TNR: variants seen among roughly 807,000 people sequenced by gnomAD.
The protein encoded by TNR is tenascin-R.
A neutral mutation model predicts 150.4 loss-of-function variants in TNR; 45 were observed. That is an observed-to-expected ratio of 0.30 (90% CI 0.24 to 0.38). TNR has a LOEUF of 0.38. Ranked by LOEUF, TNR falls within the 10% of genes least tolerant of loss-of-function variation. TNR has a pLI of 1.00. For missense variants in TNR, 1,544 were observed against 1,759.1 expected, an observed-to-expected ratio of 0.88 and a Z score of 2.19; for synonymous variants, 687 against 678.4, an observed-to-expected ratio of 1.01 and a Z score of -0.20.
chr1:175,573,356 T>G (rs1368162872), intron 1 of TNR, among the ~76,000 whole-genome samples: 2 of 152,200 alleles, frequency 1.3e-5, no homozygotes, highest in East Asian at 3.9e-4. Context: ...AGGTGAGGTA[T>G]GGAGCTAGCA....
intron 5 of TNR, among the ~76,000 whole-genome samples, 180 bp downstream of exon 5, chr1:175,396,364 A>G (rs962135889): frequency 1.3e-5 from 2 of 152,180 alleles, no homozygotes; most frequent in African/African-American, 4.8e-5. Context: ...CTCTTAATCG[A>G]AAGTGCCTTT....
At chr1:175,489,188 C>T (rs946893752) in intron 2 of TNR, among the ~76,000 whole-genome samples, 3 of 152,134 alleles carry the variant, frequency 2.0e-5, no homozygotes, top group African/African-American at 4.8e-5. Context: ...CCAAGATCAC[C>T]CGGGGCCCAG....
intron 18 of TNR, among the ~76,000 whole-genome samples, chr1:175,341,710 A>G (rs1260665916): frequency 6.6e-6 from 1 of 152,228 alleles, no homozygotes; most frequent in African/African-American, 2.4e-5. Context: ...TGGCCTCAGC[A>G]TCAGGACTGA....
At chr1:175,697,917 A>G (rs974288306) in intron 1 of TNR, among the ~76,000 whole-genome samples, 3 of 152,196 alleles carry the variant, frequency 2.0e-5, no homozygotes, top group Non-Finnish European at 4.4e-5. Context: ...CTTCATGTTC[A>G]TGGAAGGAGT....
intron 2 of TNR, among the ~76,000 whole-genome samples, chr1:175,506,651 T>C (rs1658969535): frequency 6.6e-6 from 1 of 152,240 alleles, no homozygotes; most frequent in Admixed American, 6.5e-5. Flanking sequence ...AAACGCATCC[T>C]GCCAACACTT....
At chr1:175,509,904 G>A (rs891980592) in intron 2 of TNR, among the ~76,000 whole-genome samples, 1 of 152,160 alleles carries the variant, frequency 6.6e-6, no homozygotes, top group Admixed American at 6.5e-5. Flanking sequence ...GTGTGTGTAT[G>A]TGTATGTGTT....
intron 1 of TNR, among the ~76,000 whole-genome samples, chr1:175,701,737 G>A (rs942821444): frequency 2.0e-5 from 3 of 152,358 alleles, no homozygotes; most frequent in Non-Finnish European, 2.9e-5. Flanking sequence ...TGAGAGCAGG[G>A]TTTTCAGCCA....
intron 1 of TNR, among the ~76,000 whole-genome samples, chr1:175,710,271 G>C (rs1489849686): frequency 6.6e-6 from 1 of 152,084 alleles, no homozygotes; most frequent in African/African-American, 2.4e-5. Flanking sequence ...GTAGACATGG[G>C]AAGGGAGGGA....
intron 17 of TNR, among the ~76,000 whole-genome samples, chr1:175,354,993 AAC>A (rs879876919): frequency 5.9e-5 from 9 of 152,244 alleles, no homozygotes; most frequent in Admixed American, 3.3e-4. Flanking sequence ...GATGAAATAA[AAC>A]AAAAATTTGT....
At chr1:175,595,828 G>C (rs12093333) in intron 1 of TNR, among the ~76,000 whole-genome samples, 25,373 of 152,130 alleles carry the variant, frequency 0.17, 3,267 homozygotes, top group African/African-American at 0.36. Flanking sequence ...GATTGCTAGT[G>C]TGCTAGCATT....
Position 175,323,140 on chromosome 1 carries a change from G to A in TNR, c.*217C>T. 1 of 502,186 alleles carries A rather than the reference G, an allele frequency of 2.0e-6. No homozygotes were observed. The highest frequency in any genetic ancestry group is 3.4e-6 in the Non-Finnish European group (1 of 294,930). 31.1% of individuals were successfully genotyped at this position (502,186 alleles called of 1,614,324 possible). A position where few individuals can be genotyped will look rare whatever the true frequency, so the allele number is the denominator to read the frequency against. On this transcript the variant is annotated 3_prime_UTR_variant, in exon 23 of 23. Transcript: ENST00000367674. Reference sequence around the variant, plus strand: ...GGGAAAGGAGGTGAAGGTTGAGGAGGCCTGGGTAGGAGGGAGAATGGAGAC... The same window carrying A: ...GGGAAAGGAGGTGAAGGTTGAGGAGACCTGGGTAGGAGGGAGAATGGAGAC...
At chr1:175,736,028 C>G (rs932200121) in intron 1 of TNR, among the ~76,000 whole-genome samples, 1 of 152,198 alleles carries the variant, frequency 6.6e-6, no homozygotes, top group East Asian at 1.9e-4. Flanking sequence ...CCCATTAGCA[C>G]TTGAGGAGCA....
chr1:175,413,549 G>T (rs551025220), intron 2 of TNR, among the ~76,000 whole-genome samples: 2 of 152,324 alleles, frequency 1.3e-5, no homozygotes, highest in South Asian at 4.1e-4. Context: ...AACTTAGAAG[G>T]CTCGAGGGGA....
intron 6 of TNR, 23 bp downstream of exon 6, chr1:175,393,757 G>T (rs377537015): frequency 1.9e-6 from 3 of 1,546,974 alleles, no homozygotes; most frequent in Non-Finnish European, 2.7e-6. Flanking sequence ...AGTCTGTTTG[G>T]CAGTGTAACA....
intron 1 of TNR, among the ~76,000 whole-genome samples, chr1:175,601,137 T>G (rs562342866): frequency 6.2e-4 from 95 of 152,372 alleles, no homozygotes; most frequent in Non-Finnish European, 1.1e-3. Context: ...TGCCTTTATC[T>G]TCTGTTTGTG....
Position 175,527,457 on chromosome 1 carries a change from T to C in TNR, c.-64+812A>G, listed in dbSNP as rs80337782. ...ACTGTAGTGAGTCTAAGGAAGAAAA[T>C]GAGCTCCCGAACAAACTTTTCACAA... On this transcript the variant is annotated intron_variant, in intron 2 of 22. Coordinates refer to ENST00000367674, the MANE Select transcript of TNR (RefSeq NM_003285.3). Among the ~76,000 whole-genome samples the C allele has an allele frequency of 2.2e-3, 328 of 152,220 alleles. 1 individual carries two copies. Among genetic ancestry groups the C allele is most frequent in the African/African-American group, 7.5e-3 (313 of 41,558 alleles).
rs772786500 is a variant in TNR, at chr1:175,379,584, C to G, written c.1931G>C (p.Gly644Ala). The change falls in exon 9 of 23, where the codon GGC (glycine) becomes GCC (alanine). Residue 644 changes from glycine to alanine, a missense_variant. By Grantham distance (60) the Gly-to-Ala change is moderately conservative. Around this residue, in one of 2 missense-constraint regions of TNR, gnomAD observed 1,254 missense variants for 1,329.4 expected, o/e 0.94. Coordinates refer to ENST00000367674, the MANE Select transcript of TNR (RefSeq NM_003285.3). ...GGTGGCCCTGGTGGTTGGACCAATG[C>G]CCCTGGGGACCAGTACCTCATGATA... ...EQYHEVLVPR[G>A]IGPTTRATLT... The G allele has an allele frequency of 6.2e-7, 1 of 1,613,730 alleles. No individual in the cohort carries two copies. Among genetic ancestry groups the G allele is most frequent in the Non-Finnish European group, 8.5e-7 (1 of 1,179,914 alleles).
At chr1:175,460,502 A>ACTC in intron 2 of TNR, among the ~76,000 whole-genome samples, 1 of 152,232 alleles carries the variant, frequency 6.6e-6, no homozygotes, top group Admixed American at 6.5e-5. Flanking sequence ...CTCATGCTGA[A>ACTC]ATATTAGTAA....
intron 2 of TNR, among the ~76,000 whole-genome samples, chr1:175,422,641 C>T (rs1486213368): frequency 6.6e-6 from 1 of 152,194 alleles, no homozygotes; most frequent in Non-Finnish European, 1.5e-5. Flanking sequence ...TCACTGATAG[C>T]TCCAGGATTG....
Sources: gnomAD v4.1 joint callset for allele counts (sites outside exome capture counted in the v4.1 genomes callset) on GRCh38, gnomAD v4.1.1 for gene constraint, gnomAD v4.1.1 regional missense constraint, MANE v1.5 for transcripts, NCBI Gene and HGNC (gene_info 2026-07-23, HGNC 2026-07-21) for gene names.